The following TSN variants were observed in gnomAD, a reference collection of about 807,000 sequenced individuals.
TSN encodes the protein component 3 of promoter of RISC.
TSN carries 5 observed loss-of-function variants against 29.4 expected under a neutral mutation model. The observed-to-expected ratio is 0.17, with a 90% CI of 0.09 to 0.36. TSN has a LOEUF of 0.36. Ranked by LOEUF, TSN falls within the 10% of genes least tolerant of loss-of-function variation. The probability of loss-of-function intolerance (pLI) is 1.00; values close to 1 mark genes in which losing one functional copy is unlikely to be tolerated. For synonymous variants in TSN, 106 were observed against 102.2 expected (o/e 1.04, Z -0.23); for missense variants, 159 against 272.8 (o/e 0.58, Z 2.94).
intron 1 of TSN, among the ~76,000 whole-genome samples, chr2:121,756,905 T>A (rs1270087575): frequency 7.0e-6 from 1 of 142,814 alleles, no homozygotes; most frequent in East Asian, 2.0e-4. Context: ...CGAGACTCCG[T>A]CTCAAAAAAA....
At chr2:121,762,546 T>C (rs2074847296) in intron 4 of TSN, among the ~76,000 whole-genome samples, 1 of 152,250 alleles carries the variant, frequency 6.6e-6, no homozygotes, top group South Asian at 2.1e-4. Flanking sequence ...TTTTTAAAAT[T>C]GAATTTTTAA....
Position 121,761,856 on chromosome 2 carries a change from C to T in TSN, c.373+332C>T, listed in dbSNP as rs192034558. On this transcript the variant is annotated intron_variant, in intron 4 of 5. Transcript: ENST00000389682. ...TTTTTTTTTGAGACAGAGTCTCTGT[C>T]GCCCAGGCTGGAGTGCAGTGGTGCA... Among the ~76,000 whole-genome samples the T allele has an allele frequency of 5.9e-5, 9 of 151,658 alleles. No homozygotes were observed. In the East Asian group the frequency reaches 9.7e-4, roughly 16 times the overall value.
intron 5 of TSN, among the ~76,000 whole-genome samples, chr2:121,764,480 A>G (rs1340050619): frequency 6.6e-6 from 1 of 152,132 alleles, no homozygotes; most frequent in African/African-American, 2.4e-5. Flanking sequence ...CCGTATGTTG[A>G]CAGTGCACTA....
chr2:121,758,508 C>G (rs1225325253), intron 2 of TSN, among the ~76,000 whole-genome samples: 2 of 152,162 alleles, frequency 1.3e-5, no homozygotes, highest in Non-Finnish European at 2.9e-5. Flanking sequence ...TCCCTTTTAG[C>G]AAGTTGTTTA....
At chr2:121,762,437 A>G (rs771231783) in intron 4 of TSN, among the ~76,000 whole-genome samples, 29 of 152,196 alleles carry the variant, frequency 1.9e-4, no homozygotes, top group Non-Finnish European at 4.0e-4. Context: ...CTTTTCCCAA[A>G]TATTTTCTAT....
chr2:121,763,516 C>T (rs2074861533), intron 5 of TSN, among the ~76,000 whole-genome samples: 1 of 152,134 alleles, frequency 6.6e-6, no homozygotes, highest in African/African-American at 2.4e-5. Context: ...CTCTCGGTCA[C>T]CAGGTAGTCA....
intron 3 of TSN, among the ~76,000 whole-genome samples, chr2:121,759,605 C>T (rs2074794506): frequency 6.7e-6 from 1 of 149,304 alleles, no homozygotes; most frequent in African/African-American, 2.5e-5. Flanking sequence ...GAGACTCCAT[C>T]TAAAAAAAAA....
At chr2:121,764,003 A>G (rs1242996497) in intron 5 of TSN, among the ~76,000 whole-genome samples, 1 of 152,200 alleles carries the variant, frequency 6.6e-6, no homozygotes, top group Admixed American at 6.5e-5. Context: ...CTGTTGCTCT[A>G]GTCACATCTT....
Position 121,756,005 on chromosome 2 carries a change from A to C in TSN, c.66+160A>C, listed in dbSNP as rs577015541. 1.3e-4 allele frequency: 184 copies of C among 1,439,858 alleles called. No homozygotes were observed. In the African/African-American group the frequency reaches 2.5e-3, roughly 20 times the overall value. The allele number at this position is 1,439,858 out of a possible 1,614,324, so 89.2% of individuals were successfully genotyped here. A position where few individuals can be genotyped will look rare whatever the true frequency, so the allele number is the denominator to read the frequency against. On this transcript the variant is annotated intron_variant, in intron 1 of 5. Coordinates refer to ENST00000389682, the MANE Select transcript of TSN (RefSeq NM_004622.3). ...GTTAGGCACTCCCCGCCCCCGCCCA[A>C]AATTTTGCTGCTCTGTCCTGATTCC...
intron 1 of TSN, among the ~76,000 whole-genome samples, chr2:121,756,977 T>C (rs1195259157): frequency 1.3e-5 from 2 of 152,300 alleles, no homozygotes; most frequent in East Asian, 3.9e-4. Flanking sequence ...ACTCTTCATT[T>C]TGCAAGTTGC....
At position 121,755,732 on chromosome 2, in the gene TSN, T is replaced by G. The variant is rs1558689006; in HGVS notation, c.-48T>G. 2 of 1,609,048 alleles carry G rather than the reference T, an allele frequency of 1.2e-6. No homozygotes were observed. The highest frequency in any genetic ancestry group is 1.7e-5 in the Admixed American group (1 of 60,010). ...GCGCTGGTTGCCTGCGGCGTCCACTTCCTTGGCCGCCCTTGCTACACTGGC... is the reference window on the plus strand; with the variant it reads ...GCGCTGGTTGCCTGCGGCGTCCACTGCCTTGGCCGCCCTTGCTACACTGGC... On this transcript the variant is annotated 5_prime_UTR_variant, in exon 1 of 6. Transcript: ENST00000389682.
At position 121,763,048 on chromosome 2, in the gene TSN, T is replaced by G. The variant is rs1394302814; in HGVS notation, c.417T>G (p.Asp139Glu). Residue 139 changes from aspartate to glutamate, a missense_variant, in exon 5 of 6, where the codon GAT becomes GAG. Physicochemically the swap from Asp to Glu is conservative, Grantham distance 45. Transcript: ENST00000389682. ...AAGGATTTCATCTGGATGTAGAAGA[T>G]TATCTCTCAGGAGTTCTAATTCTTG... The part of the protein sequence containing the change: ...REKGFHLDVE[D>E]YLSGVLILAS... The G allele has an allele frequency of 6.2e-7, 1 of 1,611,736 alleles. No homozygotes were observed. Among genetic ancestry groups the G allele is most frequent in the Non-Finnish European group, 8.5e-7 (1 of 1,179,290 alleles).
Position 121,765,531 on chromosome 2 carries a change from G to A in TSN, c.*164G>A, listed in dbSNP as rs893711986. ...TCAGAATTGAAACACTTTTTTGGGGGTAAAAAATATAGCCTTTACATGGAC... is the reference window on the plus strand; with the variant it reads ...TCAGAATTGAAACACTTTTTTGGGGATAAAAAATATAGCCTTTACATGGAC... On this transcript the variant is annotated 3_prime_UTR_variant, in exon 6 of 6. Transcript: ENST00000389682. The A allele has an allele frequency of 3.6e-5, 24 of 668,062 alleles. No homozygotes were observed. Among genetic ancestry groups the A allele is most frequent in the Non-Finnish European group, 5.8e-5 (23 of 399,778 alleles). 41.4% of individuals were successfully genotyped at this position (668,062 alleles called of 1,614,324 possible). A position where few individuals can be genotyped will look rare whatever the true frequency, so the allele number is the denominator to read the frequency against.
chr2:121,760,400 CAG>C (rs1375469129), intron 3 of TSN, among the ~76,000 whole-genome samples: 1 of 152,162 alleles, frequency 6.6e-6, no homozygotes, highest in African/African-American at 2.4e-5. Flanking sequence ...AGCTGAAGCA[CAG>C]AGAGAGGTAG....
chr2:121,760,112 C>T (rs1342325277), intron 3 of TSN, among the ~76,000 whole-genome samples: 1 of 152,230 alleles, frequency 6.6e-6, no homozygotes, highest in Non-Finnish European at 1.5e-5. Context: ...AGTGAAGCTT[C>T]ATCTGTATTT....
At chr2:121,760,127 C>T (rs2106454046) in intron 3 of TSN, among the ~76,000 whole-genome samples, 2 of 152,310 alleles carry the variant, frequency 1.3e-5, no homozygotes, top group Middle Eastern at 6.8e-3. Flanking sequence ...GTATTTACAG[C>T]CGCTTCCCAT....
At chr2:121,761,639 T>C (rs758013364) in intron 4 of TSN, 115 bp downstream of exon 4, 1 of 783,098 alleles carries the variant, frequency 1.3e-6, no homozygotes, top group Non-Finnish European at 2.2e-6. Context: ...AAAAACCACT[T>C]ATAGTTGTAG....
chr2:121,756,539 A>G (rs1167033732), intron 1 of TSN: 9 of 796,016 alleles, frequency 1.1e-5, no homozygotes, highest in Middle Eastern at 2.7e-4. Flanking sequence ...GCCAGAGGGA[A>G]GGGATTGTGT....
At chr2:121,755,988 C>T in intron 1 of TSN, 143 bp downstream of exon 1, 1 of 1,468,762 alleles carries the variant, frequency 6.8e-7, no homozygotes, top group Middle Eastern at 2.4e-4. Flanking sequence ...AGGTTAGGCA[C>T]TCCCCGCCCC....
Sources: gnomAD v4.1 joint callset for allele counts (sites outside exome capture counted in the v4.1 genomes callset) on GRCh38, gnomAD v4.1.1 for gene constraint, MANE v1.5 for transcripts, NCBI Gene and HGNC (gene_info 2026-07-23, HGNC 2026-07-21) for gene names.